SCN7A: variants seen among roughly 807,000 people sequenced by gnomAD.
SCN7A encodes sodium voltage-gated channel alpha subunit 7.
Under a neutral mutation model 155.2 loss-of-function variants are expected in SCN7A, and 138 were observed. The observed-to-expected ratio is 0.89, with a 90% CI of 0.77 to 1.02. The LOEUF is 1.02. SCN7A is among the 50% of genes least tolerant of loss of function. The probability of loss-of-function intolerance (pLI) is 0.00; values close to 1 mark genes in which losing one functional copy is unlikely to be tolerated. For synonymous variants in SCN7A, 693 were observed against 649.0 expected (o/e 1.07, Z -1.03); for missense variants, 2,058 against 1,986.6 (o/e 1.04, Z -0.68).
At chr2:166,470,559 A>C in intron 7 of SCN7A, 56 bp downstream of exon 7, 1 of 1,444,496 alleles carries the variant, frequency 6.9e-7, no homozygotes, top group Non-Finnish European at 9.5e-7. Flanking sequence ...GTTCAAGTGA[A>C]TACATGGCAG....
At position 166,409,748 on chromosome 2, in the gene SCN7A, A is replaced by G. The variant is rs1416333023; in HGVS notation, c.3899T>C (p.Leu1300Pro). ...AAAACAACGGAAAGCGATGAGCTTCAGTATACATTCCATAGTATATAGCAT... is the reference window on the plus strand; with the variant it reads ...AAAACAACGGAAAGCGATGAGCTTCGGTATACATTCCATAGTATATAGCAT... ...FVMLYTMECI[L>P]KLIAFRCFYF... The change falls in exon 25 of 26, where the codon CTG becomes CCG. Residue 1300 changes from leucine to proline, a missense_variant. Physicochemically the swap from Leu to Pro is moderately conservative, Grantham distance 98 (BLOSUM62 -3). Coordinates refer to ENST00000643258, the MANE Select transcript of SCN7A (RefSeq NM_002976.4). The G allele has an allele frequency of 6.4e-7, 1 of 1,556,784 alleles. No individual in the cohort carries two copies. Among genetic ancestry groups the G allele is most frequent in the South Asian group, 1.2e-5 (1 of 84,026 alleles).
chr2:166,430,045 A>G (rs996559480), intron 16 of SCN7A, among the ~76,000 whole-genome samples: 2 of 152,082 alleles, frequency 1.3e-5, no homozygotes, highest in African/African-American at 4.8e-5. Flanking sequence ...AAAATCACCA[A>G]GATCTAAGGT....
At chr2:166,460,621 G>A (rs1486113309) in intron 10 of SCN7A, among the ~76,000 whole-genome samples, 1 of 151,992 alleles carries the variant, frequency 6.6e-6, no homozygotes, top group African/African-American at 2.4e-5. Context: ...AAGAAATCAT[G>A]GTTTCACAGC....
chr2:166,430,856 G>T (rs1701719046), intron 16 of SCN7A, among the ~76,000 whole-genome samples: 1 of 151,758 alleles, frequency 6.6e-6, no homozygotes, highest in African/African-American at 2.4e-5. Context: ...TTTTATTTTT[G>T]GCTGTGGGTA....
chr2:166,406,285 C>T lies in SCN7A; in HGVS notation c.4344G>A (p.Trp1448Ter), dbSNP rs906025368. The change falls in exon 26 of 26, where the codon TGG becomes TGA. Residue 1448 changes from tryptophan (W) to a stop codon, truncating the protein, a stop_gained. Transcript: ENST00000643258. LOFTEE classifies it high-confidence loss of function. ...GMLDAIFNSKWSDCDPDKINP... is the reference protein window; with the variant it reads ...GMLDAIFNSK ...TAATTTTATCAGGATCACAGTCAGA[C>T]CATTTACTGTTGAAAATTGCATCAA... The T allele has an allele frequency of 1.2e-6, 2 of 1,612,988 alleles. No individual in the cohort carries two copies. Among genetic ancestry groups the T allele is most frequent in the East Asian group, 2.2e-5 (1 of 44,856 alleles).
rs1321907357 is a variant in SCN7A, at chr2:166,404,199, A to C, written c.*1381T>G. The stretch of plus-strand genomic sequence containing the variant: ...TTTAGGACTTAGCAGGCACATTGAA[A>C]TCAATCTTCATAAAGTTGGAATAAC... On this transcript the variant is annotated 3_prime_UTR_variant, in exon 26 of 26. Coordinates refer to ENST00000643258, the MANE Select transcript of SCN7A (RefSeq NM_002976.4). 1 of 151,982 alleles carries C rather than the reference A, an allele frequency of 6.6e-6. No individual in the cohort carries two copies. The highest frequency in any genetic ancestry group is 1.9e-4 in the East Asian group (1 of 5,166). 9.4% of individuals were successfully genotyped at this position (151,982 alleles called of 1,614,324 possible).
chr2:166,435,786 C>A (rs1256524673), intron 15 of SCN7A, among the ~76,000 whole-genome samples: 2 of 151,846 alleles, frequency 1.3e-5, no homozygotes, highest in Non-Finnish European at 2.9e-5. Flanking sequence ...ATTAAGTTTT[C>A]TCTTTCTTTT....
At position 166,443,428 on chromosome 2, in the gene SCN7A, G is replaced by A. The variant is rs115649817; in HGVS notation, c.1800+75C>T. 1.1e-3 allele frequency: 1,421 copies of A among 1,277,198 alleles called. 6 individuals are homozygous for A. The African/African-American group carries it at 0.016, about 14-fold the overall frequency. 79.1% of individuals were successfully genotyped at this position (1,277,198 alleles called of 1,614,324 possible). ...ATGTCCCAATGGGATAGGTATTACT[G>A]TAACCCCATTTTATGTCTGCAGACA... On this transcript the variant is annotated intron_variant, in intron 14 of 25. Coordinates refer to ENST00000643258, the MANE Select transcript of SCN7A (RefSeq NM_002976.4).
intron 7 of SCN7A, among the ~76,000 whole-genome samples, chr2:166,467,113 T>C (rs1412155230): frequency 1.3e-5 from 2 of 151,926 alleles, no homozygotes; most frequent in African/African-American, 4.8e-5. Flanking sequence ...AGATATATAA[T>C]AGAACTTCTG....
At chr2:166,406,715 T>C in intron 25 of SCN7A, 69 bp from the exon 26 acceptor site, 1 of 1,024,776 alleles carries the variant, frequency 9.8e-7, no homozygotes, top group Admixed American at 2.5e-5. Context: ...GACTATAAAT[T>C]ATTTTACACT....
chr2:166,481,880 C>T (rs1702935760), intron 2 of SCN7A, among the ~76,000 whole-genome samples: 1 of 152,056 alleles, frequency 6.6e-6, no homozygotes, highest in Non-Finnish European at 1.5e-5. Flanking sequence ...AAAGGATGAA[C>T]TAGAATCAAT....
chr2:166,425,880 A>T (rs1701612290), intron 18 of SCN7A, among the ~76,000 whole-genome samples: 1 of 152,094 alleles, frequency 6.6e-6, no homozygotes, highest in Admixed American at 6.6e-5. Context: ...ATATTTGAGG[A>T]CCATTTATCA....
rs1469150615 is a variant in SCN7A, at chr2:166,432,658, G to A, written c.2252C>T (p.Ala751Val). The part of the protein sequence containing the change: ...ENNEAKNLQL[A>V]VARIKKGINY... ...TATTCCTTTTTTAATTCTTGCCACT[G>A]CAAGCTGGAGATTTTTTGCTTCATT... Residue 751 changes from alanine to valine, a missense_variant, in exon 16 of 26, where the codon GCA becomes GTA. By Grantham distance (64) the Ala-to-Val change is moderately conservative. Coordinates refer to ENST00000643258, the MANE Select transcript of SCN7A (RefSeq NM_002976.4). 2.5e-6 allele frequency: 4 copies of A among 1,608,000 alleles called. No homozygotes were observed. The highest frequency in any genetic ancestry group is 3.4e-6 in the Non-Finnish European group (4 of 1,178,284).
chr2:166,417,938 C>CTATA (rs1701414742), intron 20 of SCN7A, among the ~76,000 whole-genome samples: 1 of 151,580 alleles, frequency 6.6e-6, no homozygotes, highest in African/African-American at 2.4e-5. Context: ...CAGCAATAAT[C>CTATA]TATAATCACT....
At position 166,414,085 on chromosome 2, in the gene SCN7A, G is replaced by A. The variant is rs868212238; in HGVS notation, c.3415-964C>T. ...AAATATATTATATATGTAAATATATGTAAATATATATAATATATTATATAT... is the reference window on the plus strand; with the variant it reads ...AAATATATTATATATGTAAATATATATAAATATATATAATATATTATATAT... On this transcript the variant is annotated intron_variant, in intron 21 of 25. Coordinates refer to ENST00000643258, the MANE Select transcript of SCN7A (RefSeq NM_002976.4). Among the ~76,000 whole-genome samples, 187 of 55,016 alleles carry A rather than the reference G, an allele frequency of 3.4e-3. 1 individual carries two copies. Among genetic ancestry groups the A allele is most frequent in the South Asian group, 4.6e-3 (9 of 1,978 alleles). The allele number at this position is 55,016 out of a possible 152,430, so 36.1% of individuals were successfully genotyped here. A position where few individuals can be genotyped will look rare whatever the true frequency, so the allele number is the denominator to read the frequency against.
chr2:166,416,900 A>G lies in SCN7A; in HGVS notation c.3221T>C (p.Ile1074Thr). 1 of 1,613,226 alleles carries G rather than the reference A, an allele frequency of 6.2e-7. No individual in the cohort carries two copies. Among genetic ancestry groups the G allele is most frequent in the Non-Finnish European group, 8.5e-7 (1 of 1,179,530 alleles). The change falls in exon 21 of 26, where the codon ATC becomes ACC. Residue 1074 changes from isoleucine to threonine, a missense_variant. Transcript: ENST00000643258. Reference sequence around the variant, plus strand: ...GCCAGCAAATAAGTCTACTCCCATGATACTAAAAATCAGCCAGATCATCAG... The same window carrying G: ...GCCAGCAAATAAGTCTACTCCCATGGTACTAAAAATCAGCCAGATCATCAG... ...VCLMIWLIFS[I>T]MGVDLFAGRF...
At position 166,470,692 on chromosome 2, in the gene SCN7A, TATCTTATA is replaced by T. The variant is rs770755522; in HGVS notation, c.579_586del (p.Ile194LeufsTer70). 1 of 1,607,504 alleles carries T rather than the reference TATCTTATA, an allele frequency of 6.2e-7. No individual in the cohort carries two copies. Among genetic ancestry groups the T allele is most frequent in the South Asian group, 1.1e-5 (1 of 90,492 alleles). On this transcript the variant is annotated frameshift_variant, in exon 7 of 26. Transcript: ENST00000643258. LOFTEE classifies it high-confidence loss of function. ...CGTTGGAATGAAGTCCAGAGGTGAG[TATCTTATA>T]ATAACCCTGTGGAATTAAATTAGAG...
intron 19 of SCN7A, among the ~76,000 whole-genome samples, 169 bp from the exon 20 acceptor site, chr2:166,421,466 T>C (rs1408296705): frequency 2.6e-5 from 4 of 152,034 alleles, no homozygotes; most frequent in Admixed American, 2.6e-4. Context: ...CACAGAAAGT[T>C]ATAAGAAAAT....
intron 23 of SCN7A, 43 bp downstream of exon 23, chr2:166,412,487 G>A (rs1405456760): frequency 7.4e-7 from 1 of 1,357,410 alleles, no homozygotes; most frequent in Non-Finnish European, 9.5e-7. Context: ...GTGTATGCCT[G>A]ATTTTCTCAG....
Sources: gnomAD v4.1 joint callset for allele counts (sites outside exome capture counted in the v4.1 genomes callset) on GRCh38, gnomAD v4.1.1 for gene constraint, MANE v1.5 for transcripts, NCBI Gene and HGNC (gene_info 2026-07-23, HGNC 2026-07-21) for gene names.